ITPR1: variants seen among roughly 807,000 people sequenced by gnomAD.
ITPR1 encodes the protein inositol 1,4,5-trisphosphate receptor type 1.
Under a neutral mutation model 318.4 loss-of-function variants are expected in ITPR1, and 96 were observed. The ratio of observed to expected loss-of-function variants is 0.30; its 90% confidence interval spans 0.26 to 0.36. ITPR1 has a LOEUF of 0.36. Ranked by LOEUF, ITPR1 falls within the 10% of genes least tolerant of loss-of-function variation. ITPR1 has a pLI of 1.00. For missense variants in ITPR1, 2,440 were observed against 3,460.2 expected (o/e 0.71, Z 7.40); for synonymous variants, 1,312 against 1,289.9 (o/e 1.02, Z -0.37).
chr3:4,610,781 T>G (rs1037062527), intron 4 of ITPR1, among the ~76,000 whole-genome samples: 1 of 152,112 alleles, frequency 6.6e-6, no homozygotes, highest in African/African-American at 2.4e-5. Flanking sequence ...AGCTATGGCC[T>G]CCTTTCCAGA....
At chr3:4,496,182 A>G (rs1355569232) in intron 2 of ITPR1, among the ~76,000 whole-genome samples, 1 of 152,250 alleles carries the variant, frequency 6.6e-6, no homozygotes, top group Non-Finnish European at 1.5e-5. Flanking sequence ...GCGTTTCCCC[A>G]TCTGAATAAT....
At chr3:4,704,958 T>C (rs1479964190) in intron 36 of ITPR1, among the ~76,000 whole-genome samples, 1 of 152,226 alleles carries the variant, frequency 6.6e-6, no homozygotes, top group African/African-American at 2.4e-5. Flanking sequence ...TTTTTCCAAA[T>C]TTCCCACTTT....
chr3:4,800,725 T>C (rs1277194548), intron 54 of ITPR1, 125 bp downstream of exon 54: 4 of 985,160 alleles, frequency 4.1e-6, no homozygotes, highest in African/African-American at 1.6e-5. Flanking sequence ...GGCAACTGTT[T>C]AAATAGCCAG....
chr3:4,545,879 T>A (rs2084943522), intron 4 of ITPR1, among the ~76,000 whole-genome samples: 1 of 151,964 alleles, frequency 6.6e-6, no homozygotes, highest in Non-Finnish European at 1.5e-5. Flanking sequence ...TAATTTTTTG[T>A]AGAGACGGGA....
At chr3:4,738,438 G>C (rs2043439633) in intron 44 of ITPR1, among the ~76,000 whole-genome samples, 1 of 152,180 alleles carries the variant, frequency 6.6e-6, no homozygotes, top group Non-Finnish European at 1.5e-5. Context: ...GCTGATACTT[G>C]GTAAATGTTG....
chr3:4,706,025 T>G (rs1031229701), intron 36 of ITPR1, 142 bp from the exon 37 acceptor site: 1 of 719,788 alleles, frequency 1.4e-6, no homozygotes, highest in Non-Finnish European at 2.3e-6. Flanking sequence ...CTTGAGCTTC[T>G]CAGTCTTTAA....
chr3:4,795,253 G>T, intron 53 of ITPR1, 66 bp downstream of exon 53: 8 of 1,529,168 alleles, frequency 5.2e-6, no homozygotes, highest in Non-Finnish European at 7.1e-6. Context: ...TTGCATCTCA[G>T]TTGTGGTTCC....
intron 49 of ITPR1, among the ~76,000 whole-genome samples, chr3:4,780,076 G>A (rs1347004655): frequency 6.6e-6 from 1 of 151,864 alleles, no homozygotes; most frequent in Non-Finnish European, 1.5e-5. Context: ...GTTTTGCTGT[G>A]TTACCTTAGA....
At chr3:4,724,036 T>G (rs1425483826) in intron 40 of ITPR1, among the ~76,000 whole-genome samples, 1 of 152,182 alleles carries the variant, frequency 6.6e-6, no homozygotes, top group Non-Finnish European at 1.5e-5. Context: ...ATTTTGAAAA[T>G]ACCTTTACCT....
chr3:4,708,901 C>T (rs533671965), intron 37 of ITPR1, among the ~76,000 whole-genome samples: 27 of 152,334 alleles, frequency 1.8e-4, no homozygotes, highest in African/African-American at 6.0e-4. Context: ...CATCTTTCCC[C>T]GCCCATTGCT....
At chr3:4,735,528 G>A in intron 44 of ITPR1, 174 bp downstream of exon 44, 1 of 584,340 alleles carries the variant, frequency 1.7e-6, no homozygotes, top group Non-Finnish European at 3.0e-6. Context: ...GTGATCATTT[G>A]GTCATAAATC....
intron 11 of ITPR1, 39 bp downstream of exon 11, chr3:4,652,257 A>G: frequency 1.4e-6 from 2 of 1,392,934 alleles, no homozygotes; most frequent in Non-Finnish European, 2.0e-6. Context: ...TTCAAGGCTG[A>G]CGCACCTCAC....
rs188159839 is a variant in ITPR1 at position 4,686,031 on chromosome 3, G to A, written c.3702+825G>A. The stretch of plus-strand genomic sequence containing the variant: ...TCTAGGTGCTTGCAGGGTGCCAGGC[G>A]CCATGCTGAGGCCTTTATACACATT... On this transcript the variant is annotated intron_variant, in intron 30 of 61. Transcript: ENST00000649015. 5.3e-5 allele frequency among the ~76,000 whole-genome samples: 8 copies of A among 152,298 alleles called. 1 individual carries two copies. The highest frequency in any genetic ancestry group is 3.9e-4 in the Admixed American group (6 of 15,304).
intron 2 of ITPR1, among the ~76,000 whole-genome samples, chr3:4,504,787 G>C (rs1347678166): frequency 1.3e-5 from 2 of 152,128 alleles, no homozygotes; most frequent in African/African-American, 4.8e-5. Flanking sequence ...TCTTGAAAAA[G>C]TCAACCGTAA....
At chr3:4,493,832 T>C (rs1250236965) in intron 1 of ITPR1, among the ~76,000 whole-genome samples, 1 of 151,552 alleles carries the variant, frequency 6.6e-6, no homozygotes, top group Non-Finnish European at 1.5e-5. Flanking sequence ...CATTCTGGTC[T>C]GATGTGGCAT....
At chr3:4,831,814 C>T (rs1290841189) in intron 60 of ITPR1, among the ~76,000 whole-genome samples, 4 of 152,300 alleles carry the variant, frequency 2.6e-5, no homozygotes, top group South Asian at 4.1e-4. Context: ...GTATGAAAGT[C>T]TTAGCTAGAG....
chr3:4,569,163 C>G (rs752137156), intron 4 of ITPR1, among the ~76,000 whole-genome samples: 1 of 152,090 alleles, frequency 6.6e-6, no homozygotes, highest in Non-Finnish European at 1.5e-5. Context: ...CTCTTCAAGG[C>G]GCATGGACTT....
At chr3:4,685,514 C>T (rs1474357173) in intron 30 of ITPR1, among the ~76,000 whole-genome samples, 7 of 152,166 alleles carry the variant, frequency 4.6e-5, no homozygotes, top group Non-Finnish European at 1.5e-5. Flanking sequence ...CTATATCTAC[C>T]CATGAGTTGG....
chr3:4,814,755 G>A (rs761472241), intron 58 of ITPR1, 193 bp downstream of exon 58: 28 of 629,144 alleles, frequency 4.5e-5, no homozygotes, highest in African/African-American at 2.2e-4. Context: ...AGTCAGCTGC[G>A]TGGAAAGGGT....
Sources: gnomAD v4.1 joint callset for allele counts (sites outside exome capture counted in the v4.1 genomes callset) on GRCh38, gnomAD v4.1.1 for gene constraint, MANE v1.5 for transcripts, NCBI Gene and HGNC (gene_info 2026-07-23, HGNC 2026-07-21) for gene names.